AASDH: variants seen among roughly 807,000 people sequenced by gnomAD.
AASDH encodes the protein beta-alanine-activating enzyme.
A neutral mutation model predicts 102.3 loss-of-function variants in AASDH; 81 were observed. That is an observed-to-expected ratio of 0.79 (90% CI 0.66 to 0.95). The LOEUF (loss-of-function observed/expected upper bound fraction) is 0.95, where lower values mean the gene tolerates loss of function less well. Among genes scored for constraint, AASDH ranks in the 40% least tolerant of loss-of-function variants. The pLI is 0.00. For synonymous variants in AASDH, 398 were observed against 454.0 expected (o/e 0.88, Z 1.57); for missense variants, 1,203 against 1,266.2 (o/e 0.95, Z 0.76).
rs917232255 is a variant in AASDH at position 56,355,420 on chromosome 4, T to C, written c.865A>G (p.Thr289Ala). 30 of 1,613,022 alleles carry C rather than the reference T, an allele frequency of 1.9e-5. No individual in the cohort carries two copies. The highest frequency in any genetic ancestry group is 2.5e-5 in the Non-Finnish European group (29 of 1,179,226). The change falls in exon 6 of 15, where the codon ACA becomes GCA. Residue 289 changes from threonine (T) to alanine (A), a missense_variant. Coordinates refer to ENST00000205214, the MANE Select transcript of AASDH (RefSeq NM_181806.4). ...SHHRVTVLQATPTLLRRFGSQ... is the reference protein window; with the variant it reads ...SHHRVTVLQAAPTLLRRFGSQ... Reference sequence around the variant, plus strand: ...CCAAATCTTCTAAGCAATGTTGGTGTTGCCTGTAGATACATTAAAAATAAT... The same window carrying C: ...CCAAATCTTCTAAGCAATGTTGGTGCTGCCTGTAGATACATTAAAAATAAT...
chr4:56,341,389 C>CTTTTTTTTTTTTTTTTTTTTTTTTTTT (rs575687659), intron 14 of AASDH, among the ~76,000 whole-genome samples: 1 of 92,416 alleles, frequency 1.1e-5, no homozygotes, highest in African/African-American at 4.3e-5. Flanking sequence ...AGACTTTTAT[C>CTTTTTTTTTTTTTTTTTTTTTTTTTTT]TTTTTTTTTT....
At chr4:56,379,050 A>C (rs1752685211) in intron 3 of AASDH, among the ~76,000 whole-genome samples, 2 of 151,262 alleles carry the variant, frequency 1.3e-5, no homozygotes, top group Admixed American at 6.6e-5. Flanking sequence ...CGCCCGGCTA[A>C]TGTTTTTGTA....
chr4:56,385,589 C>T (rs1052530815), intron 1 of AASDH, among the ~76,000 whole-genome samples: 2 of 151,986 alleles, frequency 1.3e-5, no homozygotes, highest in African/African-American at 4.8e-5. Flanking sequence ...ACCAAGTAGC[C>T]TGCTTCAGTA....
chr4:56,368,468 C>G (rs1039336015), intron 5 of AASDH, among the ~76,000 whole-genome samples: 5 of 151,876 alleles, frequency 3.3e-5, no homozygotes. Context: ...TGGAAGCAAC[C>G]CAAATGTCCA....
Position 56,382,595 on chromosome 4 carries a change from A to C in AASDH, c.233T>G (p.Ile78Ser). 1 of 1,606,606 alleles carries C rather than the reference A, an allele frequency of 6.2e-7. No individual in the cohort carries two copies. The highest frequency in any genetic ancestry group is 8.5e-7 in the Non-Finnish European group (1 of 1,178,230). Residue 78 changes from isoleucine to serine, a missense_variant and splice_region_variant, in exon 3 of 15, where the codon ATT becomes AGT. By Grantham distance (142) the Ile-to-Ser change is moderately radical. Coordinates refer to ENST00000205214, the MANE Select transcript of AASDH (RefSeq NM_181806.4). Reference protein sequence around the residue: ...GIDLPSWILGILQVPAAYVPI... With the variant: ...GIDLPSWILGSLQVPAAYVPI... ...TACATAAGCAGCCGGGACTTGGAGA[A>C]TTCTAAAGAAAAAAGTACACAGTCA...
At chr4:56,356,136 T>C (rs896310796) in intron 5 of AASDH, 1 of 651,504 alleles carries the variant, frequency 1.5e-6, no homozygotes, top group Non-Finnish European at 2.7e-6. Context: ...CCGTCCAAGA[T>C]GCCAAAAGGA....
intron 1 of AASDH, among the ~76,000 whole-genome samples, chr4:56,386,323 A>C (rs1336173030): frequency 6.6e-6 from 1 of 152,304 alleles, no homozygotes; most frequent in East Asian, 1.9e-4. Flanking sequence ...GGGTACCTAC[A>C]CATCTATACG....
intron 5 of AASDH, chr4:56,356,272 CA>C: frequency 9.6e-7 from 1 of 1,041,054 alleles, no homozygotes; most frequent in Non-Finnish European, 1.5e-6. Flanking sequence ...ACATCCAGCC[CA>C]AAAGAGACCT....
intron 10 of AASDH, among the ~76,000 whole-genome samples, chr4:56,351,059 T>C (rs1748940347): frequency 6.6e-6 from 1 of 152,206 alleles, no homozygotes; most frequent in African/African-American, 2.4e-5. Context: ...ATTCCACCGA[T>C]CCTCTTAGAG....
At chr4:56,371,325 G>A in intron 5 of AASDH, 126 bp downstream of exon 5, 1 of 951,440 alleles carries the variant, frequency 1.1e-6, no homozygotes, top group Non-Finnish European at 1.5e-6. Context: ...TGAGGAGACG[G>A]CCCTTGATAA....
intron 5 of AASDH, among the ~76,000 whole-genome samples, chr4:56,362,300 T>C (rs574863491): frequency 1.3e-5 from 2 of 152,296 alleles, no homozygotes; most frequent in South Asian, 4.2e-4. Context: ...AGTCTCACTC[T>C]GTTGTCCAGG....
chr4:56,382,310 G>A (rs1401036076), intron 3 of AASDH, 167 bp downstream of exon 3: 5 of 631,954 alleles, frequency 7.9e-6, no homozygotes, highest in South Asian at 4.3e-5. Flanking sequence ...TATAATATAC[G>A]GAACACTCCT....
At chr4:56,378,779 C>T (rs1411844628) in intron 3 of AASDH, among the ~76,000 whole-genome samples, 1 of 147,782 alleles carries the variant, frequency 6.8e-6, no homozygotes, top group African/African-American at 2.5e-5. Context: ...TTTACTGTTG[C>T]ACTGGGTTTT....
chr4:56,346,028 C>T (rs1170564211), intron 11 of AASDH, among the ~76,000 whole-genome samples: 2 of 152,166 alleles, frequency 1.3e-5, no homozygotes, highest in African/African-American at 4.8e-5. Context: ...ACTGCTTTTC[C>T]CAAATTGCTG....
chr4:56,344,979 T>C, intron 12 of AASDH, 148 bp downstream of exon 12: 2 of 581,274 alleles, frequency 3.4e-6, no homozygotes, highest in Admixed American at 6.7e-5. Flanking sequence ...TCTCACTCTG[T>C]CACCCAGGGT....
At chr4:56,381,035 G>A (rs1752891616) in intron 3 of AASDH, among the ~76,000 whole-genome samples, 1 of 152,184 alleles carries the variant, frequency 6.6e-6, no homozygotes, top group Non-Finnish European at 1.5e-5. Flanking sequence ...GCAAGGTTTT[G>A]CTGCGCCCAA....
In AASDH at chr4:56,349,511, G is replaced by A. The variant is rs3796544; in HGVS notation, c.2240C>T (p.Ala747Val). 641,507 of 1,613,874 alleles carry A rather than the reference G, an allele frequency of 0.4. 132,239 individuals carry two copies. The highest frequency in any genetic ancestry group is 0.43 in the Non-Finnish European group (502,454 of 1,179,958). The change falls in exon 11 of 15, where the codon GCG becomes GTG. Residue 747 changes from alanine to valine, a missense_variant. Transcript: ENST00000205214. ...TAACTCCATTTTCTGAGTCCCTATCGCAGGTTTCCCCTCTTCAGAAACTTT... is the reference window on the plus strand; with the variant it reads ...TAACTCCATTTTCTGAGTCCCTATCACAGGTTTCCCCTCTTCAGAAACTTT... ...VAKVSEEGKP[A>V]IGTQKMELHV...
intron 5 of AASDH, among the ~76,000 whole-genome samples, chr4:56,363,618 G>A (rs1207096313): frequency 6.6e-6 from 1 of 152,182 alleles, no homozygotes; most frequent in Non-Finnish European, 1.5e-5. Flanking sequence ...ACAGGGTCTG[G>A]AGTGGACCTC....
chr4:56,386,829 A>C (rs1172784427), intron 1 of AASDH, among the ~76,000 whole-genome samples: 1 of 150,254 alleles, frequency 6.7e-6, no homozygotes, highest in African/African-American at 2.4e-5. Context: ...AAAAGGAAAA[A>C]AAAAAGCAAA....
Sources: gnomAD v4.1 joint callset for allele counts (sites outside exome capture counted in the v4.1 genomes callset) on GRCh38, gnomAD v4.1.1 for gene constraint, MANE v1.5 for transcripts, NCBI Gene and HGNC (gene_info 2026-07-23, HGNC 2026-07-21) for gene names.